The following CNNM4 variants were observed in gnomAD, a reference collection of about 807,000 sequenced individuals.
CNNM4 encodes the protein cyclin and CBS domain divalent metal cation transport mediator 4, also known as metal transporter CNNM4.
CNNM4 carries 32 observed loss-of-function variants against 53.7 expected under a neutral mutation model. The observed-to-expected ratio is 0.60, with a 90% CI of 0.45 to 0.80. The LOEUF (loss-of-function observed/expected upper bound fraction) is 0.80, where lower values mean the gene tolerates loss of function less well. CNNM4 is among the 30% of genes least tolerant of loss of function. CNNM4 has a pLI of 0.00. For missense variants in CNNM4, 784 were observed against 1,022.0 expected, an observed-to-expected ratio of 0.77 and a Z score of 3.17; for synonymous variants, 410 against 440.0, an observed-to-expected ratio of 0.93 and a Z score of 0.85.
chr2:96,788,289 C>T (rs1443870517), intron 1 of CNNM4, among the ~76,000 whole-genome samples: 1 of 149,330 alleles, frequency 6.7e-6, no homozygotes, highest in Non-Finnish European at 1.5e-5. Flanking sequence ...GGGTCTCACT[C>T]TGTCTCAGAG....
intron 1 of CNNM4, among the ~76,000 whole-genome samples, chr2:96,780,109 A>G (rs1574064632): frequency 6.6e-6 from 1 of 151,746 alleles, no homozygotes; most frequent in South Asian, 2.1e-4. Flanking sequence ...CAGACTTGAC[A>G]TTTTATAGTA....
chr2:96,786,152 C>G lies in CNNM4; in HGVS notation c.1403-10860C>G, dbSNP rs368131047. ...TAAAGATAGGCCTGGCGCGGCAGCTCACGTCTGTAATCCCAGCACTTTGGG... is the reference window on the plus strand; with the variant it reads ...TAAAGATAGGCCTGGCGCGGCAGCTGACGTCTGTAATCCCAGCACTTTGGG... On this transcript the variant is annotated intron_variant, in intron 1 of 6. Transcript: ENST00000377075. Among the ~76,000 whole-genome samples the G allele has an allele frequency of 4.7e-4, 72 of 151,724 alleles. 1 individual carries two copies. In the East Asian group the frequency reaches 8.5e-3, roughly 18 times the overall value.
At chr2:96,785,911 C>T (rs765032052) in intron 1 of CNNM4, among the ~76,000 whole-genome samples, 2 of 151,882 alleles carry the variant, frequency 1.3e-5, no homozygotes, top group South Asian at 2.1e-4. Context: ...CATGGTGAAA[C>T]CCCATCTCTA....
rs777510876 is a variant in CNNM4 at position 96,761,197 on chromosome 2, C to T, written c.198C>T (p.Ile66=). The T allele has an allele frequency of 3.7e-6, 6 of 1,613,950 alleles. No homozygotes were observed. The highest frequency in any genetic ancestry group is 3.3e-5 in the South Asian group (3 of 91,074). ...GTGGGACGAACCCGGATGGCATCAT[C>T]TTCGTGTCCGAGGGCAGCACCGTGA... ...KSCGTNPDGI[I]FVSEGSTVNL... Residue 66 remains isoleucine (I), a synonymous_variant, in exon 1 of 7, where the codon ATC becomes ATT. Coordinates refer to ENST00000377075, the MANE Select transcript of CNNM4 (RefSeq NM_020184.4). This position sits in a 1 kb window ranked among gnomAD's most constrained non-coding sequence, Gnocchi z 6.0.
chr2:96,774,831 T>C (rs2078909395), intron 1 of CNNM4, among the ~76,000 whole-genome samples: 1 of 151,420 alleles, frequency 6.6e-6, no homozygotes, highest in Admixed American at 6.6e-5. Flanking sequence ...GGGTGTGATG[T>C]GTGCCTGTAC....
intron 1 of CNNM4, among the ~76,000 whole-genome samples, chr2:96,789,715 G>A (rs527814558): frequency 4.1e-4 from 59 of 144,254 alleles, no homozygotes; most frequent in African/African-American, 1.4e-3. Context: ...TTTTTTTTTT[G>A]AGACAGAGTC....
At chr2:96,805,418 G>GTTTTTTTTTTTTTTTTTTTTTTT (rs898761608) in intron 5 of CNNM4, among the ~76,000 whole-genome samples, 3 of 76,150 alleles carry the variant, frequency 3.9e-5, no homozygotes, top group East Asian at 4.1e-4. Flanking sequence ...CTTCTTTTCA[G>GTTTTTTTTTTTTTTTTTTTTTTT]TTTTTTTTTT....
chr2:96,793,012 GACACTTGT>G (rs1367448119), intron 1 of CNNM4, among the ~76,000 whole-genome samples: 1 of 152,100 alleles, frequency 6.6e-6, no homozygotes, highest in Non-Finnish European at 1.5e-5. Context: ...ATTTATTTGG[GACACTTGT>G]ACACTTGTAT....
chr2:96,768,419 A>C (rs1382299552), intron 1 of CNNM4, among the ~76,000 whole-genome samples: 1 of 152,206 alleles, frequency 6.6e-6, no homozygotes, highest in Non-Finnish European at 1.5e-5. Flanking sequence ...AGACACGTGA[A>C]CAACGCCTAG....
intron 1 of CNNM4, among the ~76,000 whole-genome samples, chr2:96,793,913 C>T (rs2079082293): frequency 6.6e-6 from 1 of 152,132 alleles, no homozygotes; most frequent in African/African-American, 2.4e-5. Context: ...TGAGATTGTA[C>T]CACTGTACTC....
At chr2:96,785,028 C>CCA (rs2079004885) in intron 1 of CNNM4, among the ~76,000 whole-genome samples, 1 of 152,116 alleles carries the variant, frequency 6.6e-6, no homozygotes, top group African/African-American at 2.4e-5. Flanking sequence ...TAGGTGGGCA[C>CCA]CACCACGCCC....
chr2:96,804,565 C>T (rs754592831), intron 5 of CNNM4, among the ~76,000 whole-genome samples: 5 of 152,054 alleles, frequency 3.3e-5, no homozygotes, highest in Non-Finnish European at 5.9e-5. Flanking sequence ...CCACCCTTGG[C>T]TAATTTTTTG....
chr2:96,769,264 T>C (rs967135252), intron 1 of CNNM4, among the ~76,000 whole-genome samples: 12 of 132,028 alleles, frequency 9.1e-5, no homozygotes, highest in Non-Finnish European at 1.3e-4. Context: ...AAAAAAGGAG[T>C]CGGCCAAGAG....
In CNNM4 at chr2:96,800,964, C is replaced by T; in HGVS notation, c.1948+1316C>T. On this transcript the variant is annotated intron_variant, in intron 5 of 6. Coordinates refer to ENST00000377075, the MANE Select transcript of CNNM4 (RefSeq NM_020184.4). This position sits in a 1 kb window ranked among gnomAD's most constrained non-coding sequence, Gnocchi z 4.6. ...ATGTCCCTTTCTCCACTGGGCCCAT[C>T]TCTGCCCAAAGCAGCCTGGCCCCGT... 3.2e-6 allele frequency: 1 copy of T among 317,370 alleles called. No homozygotes were observed. The highest frequency in any genetic ancestry group is 1.3e-4 in the South Asian group (1 of 7,938). 19.7% of individuals were successfully genotyped at this position (317,370 alleles called of 1,614,324 possible).
chr2:96,764,718 T>A (rs1380589464), intron 1 of CNNM4, among the ~76,000 whole-genome samples: 1 of 152,274 alleles, frequency 6.6e-6, no homozygotes, highest in Admixed American at 6.5e-5. Flanking sequence ...CCAGGCGCGG[T>A]GGCTCATGCC....
Position 96,761,261 on chromosome 2 carries a change from A to C in CNNM4, c.262A>C (p.Ser88Arg), listed in dbSNP as rs761184384. ...CGGCTACAGCCTGGGCAACATCTCCAGCAACCTGATCTCCTTCACCGAGGT... is the reference window on the plus strand; with the variant it reads ...CGGCTACAGCCTGGGCAACATCTCCCGCAACCTGATCTCCTTCACCGAGGT... ...LYGYSLGNISSNLISFTEVDD... is the reference protein window; with the variant it reads ...LYGYSLGNISRNLISFTEVDD... Residue 88 changes from serine (S) to arginine (R), a missense_variant, in exon 1 of 7, where the codon AGC (serine) becomes CGC (arginine). Ser to Arg is a moderately radical substitution (Grantham distance 110, BLOSUM62 -1). Around this residue, in one of 3 missense-constraint regions of CNNM4, gnomAD observed 473 missense variants for 624.6 expected, o/e 0.76. Coordinates refer to ENST00000377075, the MANE Select transcript of CNNM4 (RefSeq NM_020184.4). The surrounding 1 kb of genome is among the most constrained non-coding windows in gnomAD (Gnocchi z 6.0). The C allele has an allele frequency of 6.2e-7, 1 of 1,613,946 alleles. No individual in the cohort carries two copies. The highest frequency in any genetic ancestry group is 2.2e-5 in the East Asian group (1 of 44,868).
chr2:96,768,999 C>G (rs553225055), intron 1 of CNNM4, among the ~76,000 whole-genome samples: 5 of 152,366 alleles, frequency 3.3e-5, no homozygotes, highest in African/African-American at 1.2e-4. Flanking sequence ...CGCCTGTAAT[C>G]CCAGCACTTT....
In CNNM4 at chr2:96,777,552, G is replaced by C. The variant is rs1158953530; in HGVS notation, c.1402+15151G>C. Among the ~76,000 whole-genome samples, 8 of 152,228 alleles carry C rather than the reference G, an allele frequency of 5.3e-5. No homozygotes were observed. The East Asian group carries it at 1.5e-3, about 29-fold the overall frequency. On this transcript the variant is annotated intron_variant, in intron 1 of 6. Coordinates refer to ENST00000377075, the MANE Select transcript of CNNM4 (RefSeq NM_020184.4). Reference sequence around the variant, plus strand: ...GTCTTGCTTTATTGCTCAGTCTGGAGTGTAGTGGCACGATCTTGGCTCACT... The same window carrying C: ...GTCTTGCTTTATTGCTCAGTCTGGACTGTAGTGGCACGATCTTGGCTCACT...
At chr2:96,791,032 A>G (rs1254214538) in intron 1 of CNNM4, among the ~76,000 whole-genome samples, 2 of 150,790 alleles carry the variant, frequency 1.3e-5, no homozygotes, top group African/African-American at 4.9e-5. Flanking sequence ...AGAGAGGATA[A>G]TTGCTTGATC....
Sources: allele counts gnomAD v4.1 joint callset (sites outside exome capture counted in the v4.1 genomes callset), GRCh38; gene constraint gnomAD v4.1.1; regional missense constraint gnomAD v4.1.1; non-coding constraint Gnocchi (gnomAD v3.1); transcripts MANE v1.5; gene names NCBI Gene and HGNC (gene_info 2026-07-23, HGNC 2026-07-21).